NRXN3: variants seen among roughly 807,000 people sequenced by gnomAD.
NRXN3 encodes the protein neurexin III.
In NRXN3, 32 loss-of-function variants were observed where a neutral mutation model predicts 137.6. The observed-to-expected ratio is 0.23, with a 90% confidence interval of 0.18 to 0.31. The LOEUF is 0.31. NRXN3 is among the 10% of genes least tolerant of loss of function. The probability of loss-of-function intolerance (pLI) is 1.00; values close to 1 mark genes in which losing one functional copy is unlikely to be tolerated. For missense variants in NRXN3, 1,574 were observed against 2,062.5 expected (o/e 0.76, Z 4.59); for synonymous variants, 798 against 784.5 (o/e 1.02, Z -0.29).
chr14:79,217,136 C>CA (rs199506749), intron 15 of NRXN3, among the ~76,000 whole-genome samples: 4,155 of 109,162 alleles, frequency 0.038, 137 homozygotes, highest in South Asian at 0.11. Flanking sequence ...GACTCTGTCT[C>CA]AAAAAAAAGA....
chr14:79,101,377 G>A (rs1407859080), intron 15 of NRXN3, among the ~76,000 whole-genome samples: 2 of 152,174 alleles, frequency 1.3e-5, no homozygotes, highest in African/African-American at 4.8e-5. Context: ...GGAGTGGCAG[G>A]AAATTTAGCA....
chr14:79,223,788 C>T (rs1325374561), intron 15 of NRXN3, among the ~76,000 whole-genome samples: 1 of 152,084 alleles, frequency 6.6e-6, no homozygotes, highest in East Asian at 1.9e-4. Flanking sequence ...ATCAGAGCAC[C>T]ACTTTAAAAC....
At chr14:78,793,549 G>A (rs904450331) in intron 8 of NRXN3, among the ~76,000 whole-genome samples, 2 of 152,146 alleles carry the variant, frequency 1.3e-5, no homozygotes, top group African/African-American at 4.8e-5. Flanking sequence ...CCAGGCACAG[G>A]TTTCCAAGAG....
chr14:78,608,849 A>G (rs1323085194), intron 4 of NRXN3, among the ~76,000 whole-genome samples: 1 of 152,214 alleles, frequency 6.6e-6, no homozygotes, highest in East Asian at 1.9e-4. Context: ...CATGGGGATC[A>G]CTACAGCTGC....
At chr14:78,674,824 C>T (rs929800879) in intron 6 of NRXN3, among the ~76,000 whole-genome samples, 1 of 152,292 alleles carries the variant, frequency 6.6e-6, no homozygotes, top group Non-Finnish European at 1.5e-5. Context: ...ACTCTAAATT[C>T]AGTGTCTTGG....
At chr14:79,845,847 AGAGG>A (rs2099367294) in intron 20 of NRXN3, among the ~76,000 whole-genome samples, 4 of 91,440 alleles carry the variant, frequency 4.4e-5, no homozygotes, top group African/African-American at 1.2e-4. Context: ...ACGGGGAGAG[AGAGG>A]GAGACGGGGA....
At chr14:78,736,980 G>A (rs535237585) in intron 8 of NRXN3, among the ~76,000 whole-genome samples, 2 of 152,096 alleles carry the variant, frequency 1.3e-5, no homozygotes, top group Middle Eastern at 3.2e-3. Context: ...TACATGAACT[G>A]TTAAGTTAAT....
At chr14:79,317,521 A>C (rs1428177587) in intron 15 of NRXN3, among the ~76,000 whole-genome samples, 1 of 152,122 alleles carries the variant, frequency 6.6e-6, no homozygotes, top group Non-Finnish European at 1.5e-5. Flanking sequence ...AGCTGATTAC[A>C]TCTGTAGTGA....
intron 15 of NRXN3, among the ~76,000 whole-genome samples, chr14:79,429,247 A>G (rs888549156): frequency 8.5e-5 from 13 of 152,168 alleles, no homozygotes; most frequent in African/African-American, 3.1e-4. Context: ...GTCCAGACAA[A>G]TGGGTCCAAT....
chr14:78,416,204 A>G (rs1224373502), intron 4 of NRXN3, among the ~76,000 whole-genome samples: 2 of 152,162 alleles, frequency 1.3e-5, no homozygotes, highest in African/African-American at 4.8e-5. Flanking sequence ...ATCATTCATA[A>G]ACAAGGTGAT....
intron 6 of NRXN3, among the ~76,000 whole-genome samples, chr14:78,687,516 T>G (rs1443750725): frequency 1.3e-5 from 2 of 152,234 alleles, no homozygotes; most frequent in Non-Finnish European, 2.9e-5. Flanking sequence ...TGAGGATAAC[T>G]TTATTAGTCA....
At chr14:78,405,613 C>G (rs866584980) in intron 4 of NRXN3, among the ~76,000 whole-genome samples, 159 of 128,752 alleles carry the variant, frequency 1.2e-3, no homozygotes, top group Middle Eastern at 3.9e-3. Flanking sequence ...GGGGAAGGGG[C>G]GGGGGGGTTC....
intron 16 of NRXN3, among the ~76,000 whole-genome samples, chr14:79,522,974 C>CT (rs145679072): frequency 0.052 from 7,707 of 147,362 alleles, 197 homozygotes; most frequent in Middle Eastern, 0.11. Context: ...CTTCTCAATT[C>CT]TTTTTTTTGG....
intron 4 of NRXN3, among the ~76,000 whole-genome samples, chr14:78,559,077 C>T (rs925347492): frequency 6.6e-6 from 1 of 152,182 alleles, no homozygotes; most frequent in Non-Finnish European, 1.5e-5. Flanking sequence ...CCATTTGTAA[C>T]ACACTGTCAT....
At chr14:79,196,078 G>C (rs576726587) in intron 15 of NRXN3, among the ~76,000 whole-genome samples, 1 of 152,268 alleles carries the variant, frequency 6.6e-6, no homozygotes, top group African/African-American at 2.4e-5. Context: ...CAGGGAGGGA[G>C]CACACTAGTC....
At chr14:78,532,150 C>CAAAAAAAAAAA (rs386381910) in intron 4 of NRXN3, among the ~76,000 whole-genome samples, 1 of 121,352 alleles carries the variant, frequency 8.2e-6, no homozygotes, top group Middle Eastern at 4.0e-3. Flanking sequence ...ACTAAAAATA[C>CAAAAAAAAAAA]AAAAAAAAAA....
chr14:78,913,900 A>G (rs1019299625), intron 10 of NRXN3, among the ~76,000 whole-genome samples: 1 of 152,084 alleles, frequency 6.6e-6, no homozygotes, highest in Non-Finnish European at 1.5e-5. Context: ...CCACTATTCT[A>G]GAATTCTCAT....
intron 15 of NRXN3, among the ~76,000 whole-genome samples, chr14:79,362,505 G>A (rs940054481): frequency 2.0e-5 from 3 of 152,102 alleles, no homozygotes; most frequent in Non-Finnish European, 4.4e-5. Flanking sequence ...TAACCTAAAT[G>A]TTAAATTCTG....
At chr14:79,008,661 C>G (rs1479640817) in intron 15 of NRXN3, among the ~76,000 whole-genome samples, 1 of 130,786 alleles carries the variant, frequency 7.6e-6, no homozygotes, top group African/African-American at 2.8e-5. Context: ...TTTCTCTTTG[C>G]TTTTTTTTTT....
Sources: allele counts gnomAD v4.1 joint callset (sites outside exome capture counted in the v4.1 genomes callset), GRCh38; gene constraint gnomAD v4.1.1; transcripts MANE v1.5; gene names NCBI Gene and HGNC (gene_info 2026-07-23, HGNC 2026-07-21).